The following RGS22 variants were observed in gnomAD, a reference collection of about 807,000 sequenced individuals.
The protein encoded by RGS22 is regulator of G protein signaling 22.
A neutral mutation model predicts 172.9 loss-of-function variants in RGS22; 148 were observed. The ratio of observed to expected loss-of-function variants is 0.86; its 90% confidence interval spans 0.75 to 0.98. RGS22 has a LOEUF of 0.98. Among genes scored for constraint, RGS22 ranks in the 50% least tolerant of loss-of-function variants. RGS22 has a pLI of 0.00. For missense variants in RGS22, 1,347 were observed against 1,440.8 expected, an observed-to-expected ratio of 0.93 and a Z score of 1.05; for synonymous variants, 458 against 480.2, an observed-to-expected ratio of 0.95 and a Z score of 0.60.
chr8:100,065,017 C>T (rs1291980440), intron 7 of RGS22, among the ~76,000 whole-genome samples: 21 of 152,186 alleles, frequency 1.4e-4, no homozygotes. Flanking sequence ...AAATCAGTGA[C>T]ATGTCTGACG....
chr8:99,985,680 A>G (rs1410281782), intron 21 of RGS22, among the ~76,000 whole-genome samples: 1 of 152,196 alleles, frequency 6.6e-6, no homozygotes, highest in Non-Finnish European at 1.5e-5. Flanking sequence ...CATGCTTTTT[A>G]ATAGCTACCT....
chr8:100,034,618 T>C (rs1222270787), intron 14 of RGS22, among the ~76,000 whole-genome samples: 2 of 152,170 alleles, frequency 1.3e-5, no homozygotes, highest in South Asian at 4.1e-4. Flanking sequence ...AAAATTACTT[T>C]AAAGTGCATA....
intron 14 of RGS22, among the ~76,000 whole-genome samples, chr8:100,009,634 A>T (rs562489191): frequency 6.6e-6 from 1 of 152,296 alleles, no homozygotes; most frequent in South Asian, 2.1e-4. Flanking sequence ...TTTTACTAAA[A>T]ATCTCTAGTT....
intron 3 of RGS22, among the ~76,000 whole-genome samples, chr8:100,087,985 T>C (rs1368680695): frequency 1.3e-5 from 2 of 152,094 alleles, no homozygotes; most frequent in Non-Finnish European, 2.9e-5. Context: ...ACTAAGCAGT[T>C]TCCTAGAGCT....
intron 15 of RGS22, among the ~76,000 whole-genome samples, chr8:100,006,775 A>G (rs1468565850): frequency 6.6e-6 from 1 of 152,148 alleles, no homozygotes. Flanking sequence ...GATCTTTTAG[A>G]TAAGTCCTCA....
chr8:99,983,496 T>C (rs1812765640), intron 21 of RGS22, among the ~76,000 whole-genome samples: 2 of 152,100 alleles, frequency 1.3e-5, no homozygotes, highest in South Asian at 4.1e-4. Context: ...ATAATAGCCA[T>C]TCTGATTGGT....
chr8:100,075,904 T>C (rs1811314552), intron 4 of RGS22, among the ~76,000 whole-genome samples: 1 of 152,200 alleles, frequency 6.6e-6, no homozygotes, highest in African/African-American at 2.4e-5. Flanking sequence ...TTTGCCCTTT[T>C]TTTTTTAATC....
At chr8:100,024,779 T>C (rs961474836) in intron 14 of RGS22, among the ~76,000 whole-genome samples, 6 of 152,154 alleles carry the variant, frequency 3.9e-5, no homozygotes, top group South Asian at 4.1e-4. Flanking sequence ...TGGATGGCGT[T>C]AGGAAAGCAT....
At chr8:100,047,417 C>T (rs1455101352) in intron 11 of RGS22, 46 bp downstream of exon 11, 1 of 1,518,220 alleles carries the variant, frequency 6.6e-7, no homozygotes, top group Non-Finnish European at 8.8e-7. Flanking sequence ...CTCTAAAACG[C>T]TTAGTATTGC....
rs188700022 is a variant in RGS22, at chr8:99,968,840, G to A, written c.3520-3410C>T. Reference sequence around the variant, plus strand: ...TATCCAGGAGAACTTCCCCAACCTAGCAAGATAGGCCAACATTCAAGTTCA... The same window carrying A: ...TATCCAGGAGAACTTCCCCAACCTAACAAGATAGGCCAACATTCAAGTTCA... On this transcript the variant is annotated intron_variant, in intron 23 of 27. Coordinates refer to ENST00000360863, the MANE Select transcript of RGS22 (RefSeq NM_015668.5). 2.4e-3 allele frequency among the ~76,000 whole-genome samples: 362 copies of A among 152,242 alleles called. 3 individuals are homozygous for A. Among genetic ancestry groups the A allele is most frequent in the African/African-American group, 8.3e-3 (346 of 41,532 alleles).
chr8:100,051,649 A>G (rs1374757618), intron 10 of RGS22, among the ~76,000 whole-genome samples: 4 of 33,522 alleles, frequency 1.2e-4, no homozygotes, highest in African/African-American at 4.7e-4. Context: ...ATATGTTTAT[A>G]CATATATAAA....
At chr8:99,977,854 T>C in intron 23 of RGS22, 63 bp downstream of exon 23, 2 of 1,346,114 alleles carry the variant, frequency 1.5e-6, no homozygotes, top group Non-Finnish European at 2.0e-6. Flanking sequence ...AATTATTCTA[T>C]AATTCACACA....
intron 20 of RGS22, among the ~76,000 whole-genome samples, chr8:99,990,634 T>C (rs116770498): frequency 1.2e-3 from 176 of 152,136 alleles, no homozygotes; most frequent in African/African-American, 3.8e-3. Context: ...GATGTGAAAA[T>C]AAAGCCCACC....
chr8:100,082,163 G>T (rs1326389521), intron 3 of RGS22, among the ~76,000 whole-genome samples: 1 of 152,078 alleles, frequency 6.6e-6, no homozygotes, highest in East Asian at 1.9e-4. Flanking sequence ...AAGATGATAA[G>T]GACTATTTAC....
intron 15 of RGS22, 123 bp downstream of exon 15, chr8:100,008,252 G>T (rs991291991): frequency 1.2e-6 from 1 of 804,962 alleles, no homozygotes; most frequent in Non-Finnish European, 2.0e-6. Flanking sequence ...TAGCTAGGCT[G>T]GTCTTGAACT....
At chr8:100,053,426 A>T (rs1409679295) in intron 9 of RGS22, among the ~76,000 whole-genome samples, 1 of 120,178 alleles carries the variant, frequency 8.3e-6, no homozygotes, top group Non-Finnish European at 1.8e-5. Context: ...CCATCTAAAA[A>T]AGGGAGGAAG....
intron 14 of RGS22, among the ~76,000 whole-genome samples, chr8:100,033,539 C>CAAAA (rs71572052): frequency 1.4e-5 from 2 of 138,954 alleles, no homozygotes; most frequent in African/African-American, 5.4e-5. Context: ...GCCTACCAAC[C>CAAAA]AAAAAAAAAA....
chr8:99,962,838 T>G (rs931828996), intron 25 of RGS22, 47 bp downstream of exon 25: 2 of 1,578,392 alleles, frequency 1.3e-6, no homozygotes, highest in Non-Finnish European at 1.7e-6. Context: ...AATTAATCTG[T>G]GATAAAAGAT....
chr8:100,059,458 T>C (rs1809920442), intron 9 of RGS22, among the ~76,000 whole-genome samples: 1 of 145,846 alleles, frequency 6.9e-6, no homozygotes, highest in South Asian at 2.1e-4. Flanking sequence ...TCCATGTCAA[T>C]GGAAACAAAA....
Sources: gnomAD v4.1 joint callset for allele counts (sites outside exome capture counted in the v4.1 genomes callset) on GRCh38, gnomAD v4.1.1 for gene constraint, MANE v1.5 for transcripts, NCBI Gene and HGNC (gene_info 2026-07-23, HGNC 2026-07-21) for gene names.